Variants in PEAK1 observed in about 807,000 individuals in gnomAD.
PEAK1 encodes the protein inactive tyrosine-protein kinase PEAK1.
PEAK1 carries 54 observed loss-of-function variants against 124.7 expected under a neutral mutation model. The ratio of observed to expected loss-of-function variants is 0.43; its 90% confidence interval spans 0.35 to 0.54. PEAK1 has a LOEUF of 0.54. Among genes scored for constraint, PEAK1 ranks in the 20% least tolerant of loss-of-function variants. The pLI, the probability that PEAK1 is intolerant of heterozygous loss-of-function variation, is 0.01. For missense variants in PEAK1, 2,046 were observed against 2,134.5 expected (o/e 0.96, Z 0.82); for synonymous variants, 719 against 760.0 (o/e 0.95, Z 0.89).
chr15:77,192,396 T>C (rs1001936780), intron 6 of PEAK1, among the ~76,000 whole-genome samples: 1 of 152,150 alleles, frequency 6.6e-6, no homozygotes, highest in African/African-American at 2.4e-5. Flanking sequence ...CACATGACAA[T>C]AGGTTTCCAC....
At chr15:77,211,797 G>A (rs766765620) in intron 6 of PEAK1, among the ~76,000 whole-genome samples, 3 of 136,008 alleles carry the variant, frequency 2.2e-5, no homozygotes, top group African/African-American at 5.6e-5. Flanking sequence ...GCAGTGAGCC[G>A]AGATCACGCC....
At chr15:77,234,872 T>C (rs2152901590) in intron 6 of PEAK1, among the ~76,000 whole-genome samples, 1 of 152,224 alleles carries the variant, frequency 6.6e-6, no homozygotes, top group African/African-American at 2.4e-5. Context: ...CCTGAATTCT[T>C]AGCCTCGAGA....
intron 7 of PEAK1, chr15:77,178,583 A>G (rs2057028528): frequency 1.7e-6 from 1 of 571,934 alleles, no homozygotes; most frequent in East Asian, 2.9e-5. Context: ...CTTAAGCCAA[A>G]GATCCAGGGC....
At chr15:77,350,458 G>T (rs895296302) in intron 2 of PEAK1, 1 of 985,014 alleles carries the variant, frequency 1.0e-6, no homozygotes, top group Non-Finnish European at 1.2e-6. Flanking sequence ...TTAAGATAGT[G>T]TATATATCTT....
chr15:77,199,854 ATC>A (rs2058279329), intron 6 of PEAK1, among the ~76,000 whole-genome samples: 1 of 152,220 alleles, frequency 6.6e-6, no homozygotes, highest in South Asian at 2.1e-4. Context: ...AGGTTAGACA[ATC>A]CAGTAGAAGG....
chr15:77,364,501 T>G (rs989731253), intron 2 of PEAK1, among the ~76,000 whole-genome samples: 4 of 152,000 alleles, frequency 2.6e-5, no homozygotes, highest in African/African-American at 9.7e-5. Context: ...CTGTTGACAA[T>G]GATAAAAATG....
At chr15:77,305,086 TA>T (rs1209032926) in intron 2 of PEAK1, among the ~76,000 whole-genome samples, 1 of 150,426 alleles carries the variant, frequency 6.6e-6, no homozygotes, top group Non-Finnish European at 1.5e-5. Context: ...GAGGCTATAG[TA>T]AGTTGAGATT....
chr15:77,245,093 C>T (rs1330900519), intron 6 of PEAK1, among the ~76,000 whole-genome samples: 1 of 152,180 alleles, frequency 6.6e-6, no homozygotes, highest in Non-Finnish European at 1.5e-5. Flanking sequence ...CCTACTTCTA[C>T]AAAGTGAATC....
chr15:77,378,207 T>TAC (rs72234046), intron 1 of PEAK1, among the ~76,000 whole-genome samples: 1 of 145,842 alleles, frequency 6.9e-6, no homozygotes, highest in African/African-American at 2.6e-5. Context: ...TATATATATA[T>TAC]ACATAATCCC....
Position 77,181,545 on chromosome 15 carries a change from G to A in PEAK1, c.382C>T (p.His128Tyr), listed in dbSNP as rs554202229. The change falls in exon 7 of 10, where the codon CAT becomes TAT. Residue 128 changes from histidine to tyrosine, a missense_variant. Coordinates refer to ENST00000682557, the MANE Select transcript of PEAK1 (RefSeq NM_001385026.1). ...NNNEDDEGIS[H>Y]VPKPYGNNDS... ...TTATTGCCATAAGGCTTAGGAACAT[G>A]GCTAATTCCTTCATCATCTTCATTA... 3 of 1,614,036 alleles carry A rather than the reference G, an allele frequency of 1.9e-6. No homozygotes were observed. In the South Asian group the frequency reaches 3.3e-5, roughly 18 times the overall value.
chr15:77,144,784 G>A (rs1055626381), intron 8 of PEAK1, among the ~76,000 whole-genome samples: 1 of 152,174 alleles, frequency 6.6e-6, no homozygotes, highest in East Asian at 1.9e-4. Flanking sequence ...ACTGGTTTGC[G>A]CTTTTAGTTT....
At chr15:77,210,589 AT>A (rs1418859324) in intron 6 of PEAK1, among the ~76,000 whole-genome samples, 2 of 152,218 alleles carry the variant, frequency 1.3e-5, no homozygotes, top group African/African-American at 4.8e-5. Flanking sequence ...GATTAAGAAA[AT>A]AAATTCAGGC....
At chr15:77,202,060 T>C (rs1431351853) in intron 6 of PEAK1, among the ~76,000 whole-genome samples, 1 of 152,194 alleles carries the variant, frequency 6.6e-6, no homozygotes, top group African/African-American at 2.4e-5. Context: ...AGCAGTCTTC[T>C]AGTTAAAGCT....
chr15:77,177,892 T>C (rs567132682), intron 7 of PEAK1: 1 of 152,318 alleles, frequency 6.6e-6, no homozygotes, highest in African/African-American at 2.4e-5. Flanking sequence ...TGATCTTGTG[T>C]TTAAGAATGC....
chr15:77,195,501 G>C (rs1363543806), intron 6 of PEAK1, among the ~76,000 whole-genome samples: 3 of 152,062 alleles, frequency 2.0e-5, no homozygotes. Context: ...TAGAAAAACA[G>C]AGAGAAAGCA....
At chr15:77,243,570 G>A (rs1047200712) in intron 6 of PEAK1, among the ~76,000 whole-genome samples, 1 of 152,212 alleles carries the variant, frequency 6.6e-6, no homozygotes, top group Non-Finnish European at 1.5e-5. Context: ...CTCTTGCTAT[G>A]TGATAGAAGG....
chr15:77,354,133 T>G (rs1025610748), intron 2 of PEAK1, among the ~76,000 whole-genome samples: 1 of 152,192 alleles, frequency 6.6e-6, no homozygotes, highest in African/African-American at 2.4e-5. Flanking sequence ...GACAGATCTG[T>G]ACATCTCCAC....
intron 1 of PEAK1, among the ~76,000 whole-genome samples, chr15:77,383,287 A>T (rs1277404038): frequency 1.3e-5 from 2 of 152,090 alleles, no homozygotes. Flanking sequence ...CAGCCTCCCA[A>T]AGTGCTGGGA....
intron 1 of PEAK1, chr15:77,417,748 ATC>A (rs2073006503): frequency 4.1e-6 from 4 of 985,290 alleles, no homozygotes; most frequent in Admixed American, 1.2e-4. Flanking sequence ...AGAACAACAA[ATC>A]TCTCTCATGA....
Sources: gnomAD v4.1 joint callset for allele counts (sites outside exome capture counted in the v4.1 genomes callset) on GRCh38, gnomAD v4.1.1 for gene constraint, MANE v1.5 for transcripts, NCBI Gene and HGNC (gene_info 2026-07-23, HGNC 2026-07-21) for gene names.